RASA3: variants seen among roughly 807,000 people sequenced by gnomAD.
The protein encoded by RASA3 is RAS p21 protein activator 3.
Under a neutral mutation model 110.0 loss-of-function variants are expected in RASA3, and 73 were observed. The observed-to-expected ratio is 0.66, with a 90% confidence interval of 0.55 to 0.81. The LOEUF (loss-of-function observed/expected upper bound fraction) is 0.81. Among genes scored for constraint, RASA3 ranks in the 30% least tolerant of loss-of-function variants. RASA3 has a pLI of 0.00. For synonymous variants in RASA3, 500 were observed against 451.4 expected, an observed-to-expected ratio of 1.11 and a Z score of -1.37; for missense variants, 976 against 1,113.2, an observed-to-expected ratio of 0.88 and a Z score of 1.75.
intron 8 of RASA3, among the ~76,000 whole-genome samples, chr13:114,022,224 C>T (rs956442142): frequency 2.6e-5 from 4 of 152,204 alleles, no homozygotes; most frequent in Non-Finnish European, 5.9e-5. Context: ...ATGTCTAACA[C>T]AGCAGCGGCT....
chr13:114,016,587 C>T (rs1208370169), intron 12 of RASA3, among the ~76,000 whole-genome samples: 6 of 152,212 alleles, frequency 3.9e-5, no homozygotes, highest in Admixed American at 3.3e-4. Context: ...CGCGATCAGA[C>T]GAGCCGGGCT....
chr13:114,072,630 C>T (rs1038595734), intron 2 of RASA3, among the ~76,000 whole-genome samples: 3 of 152,190 alleles, frequency 2.0e-5, no homozygotes, highest in Non-Finnish European at 4.4e-5. Context: ...GGGGGACCGC[C>T]GCCTACATGC....
rs1471287658 is a variant in RASA3, at chr13:113,999,566, T to C, written c.1932+19A>G. The stretch of plus-strand genomic sequence containing the variant: ...CCAGGCCTCAACCCGAAAGAGAGGC[T>C]TGGGGGCCCCACACTCACGTTTTTC... On this transcript the variant is annotated intron_variant, in intron 20 of 23. Coordinates refer to ENST00000334062, the MANE Select transcript of RASA3 (RefSeq NM_007368.4). 6.2e-7 allele frequency: 1 copy of C among 1,610,796 alleles called. No individual in the cohort carries two copies. The highest frequency in any genetic ancestry group is 1.3e-5 in the African/African-American group (1 of 74,612).
At chr13:114,116,161 C>T (rs1265280459) in intron 1 of RASA3, among the ~76,000 whole-genome samples, 4 of 152,232 alleles carry the variant, frequency 2.6e-5, no homozygotes, top group Non-Finnish European at 4.4e-5. Flanking sequence ...AGAAAACATT[C>T]TCTGGAGGAA....
chr13:114,055,901 G>A (rs2079237147), intron 2 of RASA3, among the ~76,000 whole-genome samples: 1 of 152,232 alleles, frequency 6.6e-6, no homozygotes, highest in Non-Finnish European at 1.5e-5. Flanking sequence ...ACCAAAAGGC[G>A]TAAATCAAGC....
intron 1 of RASA3, among the ~76,000 whole-genome samples, chr13:114,076,204 G>A (rs1392115404): frequency 6.6e-6 from 1 of 152,230 alleles, no homozygotes; most frequent in Non-Finnish European, 1.5e-5. Flanking sequence ...CCGGCTCTGA[G>A]ACGCCTCTAA....
intron 3 of RASA3, among the ~76,000 whole-genome samples, chr13:114,049,773 A>C (rs77404104): frequency 0.14 from 20,590 of 152,312 alleles, 1,787 homozygotes; most frequent in Middle Eastern, 0.21. Context: ...GGCCCCTGGC[A>C]GGGGCTGAGA....
intron 4 of RASA3, among the ~76,000 whole-genome samples, chr13:114,038,140 C>T (rs2054316477): frequency 6.6e-6 from 1 of 152,048 alleles, no homozygotes; most frequent in Admixed American, 6.5e-5. Flanking sequence ...AAACTTGAAT[C>T]CGAGGCAAAC....
intron 6 of RASA3, among the ~76,000 whole-genome samples, 177 bp from the exon 7 acceptor site, chr13:114,027,638 A>G (rs1241476792): frequency 6.6e-6 from 1 of 152,252 alleles, no homozygotes; most frequent in Non-Finnish European, 1.5e-5. Flanking sequence ...TACTCAGCCA[A>G]AAATACCCAG....
intron 3 of RASA3, among the ~76,000 whole-genome samples, chr13:114,041,990 C>A (rs2054419339): frequency 6.6e-6 from 1 of 152,226 alleles, no homozygotes; most frequent in Non-Finnish European, 1.5e-5. Flanking sequence ...AAACAGTTTC[C>A]CGTGCCTTAA....
intron 3 of RASA3, among the ~76,000 whole-genome samples, chr13:114,047,740 G>A (rs915231381): frequency 1.4e-4 from 21 of 152,260 alleles, no homozygotes; most frequent in Admixed American, 3.9e-4. Flanking sequence ...GCCGCACAGC[G>A]CGGGACCAGC....
chr13:114,039,817 G>C (rs879671979), intron 4 of RASA3, among the ~76,000 whole-genome samples: 3 of 152,222 alleles, frequency 2.0e-5, no homozygotes, highest in Non-Finnish European at 4.4e-5. Context: ...GTCTTGCGTG[G>C]GGAGGTGGGA....
intron 11 of RASA3, among the ~76,000 whole-genome samples, chr13:114,017,562 C>G (rs540243392): frequency 6.6e-6 from 1 of 152,364 alleles, no homozygotes. Context: ...CCAGAGGGAA[C>G]CGTTCGGCTA....
At chr13:114,004,115 T>C (rs2053462470) in intron 18 of RASA3, among the ~76,000 whole-genome samples, 1 of 152,204 alleles carries the variant, frequency 6.6e-6, no homozygotes, top group Non-Finnish European at 1.5e-5. Flanking sequence ...TTAAGAAAAA[T>C]AGCAATGTAA....
intron 13 of RASA3, among the ~76,000 whole-genome samples, chr13:114,015,598 A>G (rs539813078): frequency 8.4e-4 from 128 of 152,374 alleles, no homozygotes; most frequent in African/African-American, 3.0e-3. Flanking sequence ...ATGGACGTTC[A>G]CTAGAATGTG....
chr13:114,035,196 C>T (rs2054256772), intron 4 of RASA3, among the ~76,000 whole-genome samples: 1 of 152,216 alleles, frequency 6.6e-6, no homozygotes, highest in Admixed American at 6.5e-5. Context: ...ACGGCAAATT[C>T]CTTGAGAGAT....
intron 7 of RASA3, among the ~76,000 whole-genome samples, chr13:114,024,999 G>A (rs1242839077): frequency 6.6e-6 from 1 of 152,240 alleles, no homozygotes; most frequent in Non-Finnish European, 1.5e-5. Context: ...CAGCAGAGCA[G>A]GAGGCCGACC....
intron 2 of RASA3, among the ~76,000 whole-genome samples, chr13:114,069,003 C>T (rs1296324900): frequency 1.3e-5 from 2 of 152,174 alleles, no homozygotes; most frequent in East Asian, 1.9e-4. Context: ...GCTCAGCACT[C>T]GATAAAGAGG....
At chr13:114,062,990 G>A (rs778266350) in intron 2 of RASA3, among the ~76,000 whole-genome samples, 49 of 152,232 alleles carry the variant, frequency 3.2e-4, no homozygotes, top group Admixed American at 1.3e-4. Context: ...CGTGTCTGCC[G>A]CCCCAGGAGA....
Sources: allele counts gnomAD v4.1 joint callset (sites outside exome capture counted in the v4.1 genomes callset), GRCh38; gene constraint gnomAD v4.1.1; transcripts MANE v1.5; gene names NCBI Gene and HGNC (gene_info 2026-07-23, HGNC 2026-07-21).